LUZP2: variants seen among roughly 807,000 people sequenced by gnomAD.
The protein encoded by LUZP2 is leucine zipper protein 2.
In LUZP2, 52 loss-of-function variants were observed where a neutral mutation model predicts 51.6. That is an observed-to-expected ratio of 1.01 (90% confidence interval 0.81 to 1.27). The LOEUF (loss-of-function observed/expected upper bound fraction) is 1.27. LUZP2 is among the 50% of genes most tolerant of loss of function. LUZP2 has a pLI of 0.00. For missense variants in LUZP2, 436 were observed against 395.4 expected (o/e 1.10, Z -0.87); for synonymous variants, 154 against 137.3 (o/e 1.12, Z -0.85).
At chr11:24,718,634 T>A (rs982190822) in intron 1 of LUZP2, among the ~76,000 whole-genome samples, 2 of 152,174 alleles carry the variant, frequency 1.3e-5, no homozygotes, top group African/African-American at 2.4e-5. Flanking sequence ...TACAAAACAG[T>A]GTGCTAGTAT....
chr11:24,512,591 C>A (rs1206778305), intron 1 of LUZP2, among the ~76,000 whole-genome samples: 1 of 152,196 alleles, frequency 6.6e-6, no homozygotes, highest in East Asian at 1.9e-4. Flanking sequence ...ATATCTAAAT[C>A]ATTCTTAACA....
chr11:24,514,842 G>T (rs187913503), intron 1 of LUZP2, among the ~76,000 whole-genome samples: 1 of 152,094 alleles, frequency 6.6e-6, no homozygotes, highest in South Asian at 2.1e-4. Context: ...CTGTAAAAGC[G>T]GCCTGGCTCA....
intron 8 of LUZP2, 150 bp downstream of exon 8, chr11:24,976,815 G>T (rs1265064620): frequency 4.1e-6 from 2 of 485,282 alleles, no homozygotes; most frequent in Admixed American, 4.4e-5. Flanking sequence ...ATTCAGGAAG[G>T]TTTGATATCT....
chr11:24,628,028 A>G (rs1473479459), intron 1 of LUZP2, among the ~76,000 whole-genome samples: 1 of 152,308 alleles, frequency 6.6e-6, no homozygotes, highest in Non-Finnish European at 1.5e-5. Flanking sequence ...CTTTGGCTCC[A>G]TGTTGAGCTG....
chr11:24,504,028 C>T (rs1850078891), intron 1 of LUZP2, among the ~76,000 whole-genome samples: 1 of 152,142 alleles, frequency 6.6e-6, no homozygotes, highest in African/African-American at 2.4e-5. Flanking sequence ...ATTTTCAAAA[C>T]TCAAAGCAGA....
chr11:24,785,829 G>C (rs10834485), intron 5 of LUZP2: 23,796 of 982,086 alleles, frequency 0.024, 303 homozygotes, highest in Non-Finnish European at 0.027. Flanking sequence ...AAAGTTCCAG[G>C]CTTCAAGAGG....
chr11:24,755,798 A>G (rs1437231433), intron 4 of LUZP2, among the ~76,000 whole-genome samples: 1 of 152,192 alleles, frequency 6.6e-6, no homozygotes, highest in African/African-American at 2.4e-5. Context: ...CTTTAGTGTA[A>G]CATCGCATGA....
intron 5 of LUZP2, among the ~76,000 whole-genome samples, chr11:24,770,070 A>G (rs1860351768): frequency 6.6e-6 from 1 of 152,226 alleles, no homozygotes; most frequent in Non-Finnish European, 1.5e-5. Flanking sequence ...CTGGGATTAC[A>G]GGCGTGAGCC....
intron 7 of LUZP2, among the ~76,000 whole-genome samples, chr11:24,926,565 A>ATATATATACGTGTATATATATGTGTG (rs1854275248): frequency 1.4e-5 from 2 of 145,166 alleles, no homozygotes; most frequent in Non-Finnish European, 3.0e-5. Flanking sequence ...ATGTGTGTGT[A>ATATATATACGTGTATATATATGTGTG]TATATATACG....
rs1474504015 is a variant in LUZP2 at position 24,498,113 on chromosome 11, T to C, written c.62+808T>C. ...CCAAAGTTGTGATGGGTTTGCTTTT[T>C]TCTTCCACAAGCGCAGCACAAAGGT... On this transcript the variant is annotated intron_variant, in intron 1 of 11. Transcript: ENST00000336930. Among the ~76,000 whole-genome samples, 3 of 152,196 alleles carry C rather than the reference T, an allele frequency of 2.0e-5. No individual in the cohort carries two copies. The East Asian group carries it at 5.8e-4, about 29-fold the overall frequency.
intron 2 of LUZP2, among the ~76,000 whole-genome samples, chr11:24,731,443 G>C (rs1331039422): frequency 6.6e-6 from 1 of 151,764 alleles, no homozygotes; most frequent in East Asian, 1.9e-4. Flanking sequence ...ATTAGAGAAG[G>C]CTTAATAGGA....
chr11:24,640,363 A>T (rs760735234), intron 1 of LUZP2, among the ~76,000 whole-genome samples: 1 of 151,912 alleles, frequency 6.6e-6, no homozygotes, highest in Non-Finnish European at 1.5e-5. Context: ...CAGATGGCTA[A>T]TTGTGGGAAG....
At chr11:24,751,740 A>G (rs1362499265) in intron 4 of LUZP2, among the ~76,000 whole-genome samples, 5 of 152,164 alleles carry the variant, frequency 3.3e-5, no homozygotes, top group East Asian at 3.8e-4. Context: ...ATAAGGGCTA[A>G]AATGACAAGA....
At chr11:24,717,739 T>C (rs557256178) in intron 1 of LUZP2, among the ~76,000 whole-genome samples, 64 of 152,176 alleles carry the variant, frequency 4.2e-4, no homozygotes, top group Non-Finnish European at 8.1e-4. Flanking sequence ...CTTCTATTCC[T>C]CTCCCTCCTC....
intron 1 of LUZP2, among the ~76,000 whole-genome samples, chr11:24,579,889 T>C (rs1294974927): frequency 6.6e-6 from 1 of 152,110 alleles, no homozygotes; most frequent in Non-Finnish European, 1.5e-5. Flanking sequence ...CAGAAACTGC[T>C]GAAAATATTT....
chr11:24,641,088 A>AT (rs1351761853), intron 1 of LUZP2, among the ~76,000 whole-genome samples: 2 of 151,238 alleles, frequency 1.3e-5, no homozygotes, highest in South Asian at 4.2e-4. Flanking sequence ...CAATTTTTTT[A>AT]TTTTTTGTGG....
chr11:24,944,581 T>C (rs920260269), intron 7 of LUZP2, among the ~76,000 whole-genome samples: 1 of 152,054 alleles, frequency 6.6e-6, no homozygotes. Flanking sequence ...GGGGACATAG[T>C]GTTATTGTTG....
intron 1 of LUZP2, among the ~76,000 whole-genome samples, chr11:24,689,052 A>C (rs1202264047): frequency 6.6e-6 from 1 of 152,240 alleles, no homozygotes; most frequent in South Asian, 2.1e-4. Flanking sequence ...GCAGAGGGAG[A>C]GACCGAGGCA....
intron 9 of LUZP2, among the ~76,000 whole-genome samples, chr11:25,027,589 A>G (rs1451923039): frequency 6.6e-6 from 1 of 152,112 alleles, no homozygotes; most frequent in Non-Finnish European, 1.5e-5. Flanking sequence ...ATTAGCATTT[A>G]GGTCGGGCAC....
Sources: allele counts gnomAD v4.1 joint callset (sites outside exome capture counted in the v4.1 genomes callset), GRCh38; gene constraint gnomAD v4.1.1; transcripts MANE v1.5; gene names NCBI Gene and HGNC (gene_info 2026-07-23, HGNC 2026-07-21).